TRIM10: variants seen among roughly 807,000 people sequenced by gnomAD.
TRIM10 encodes tripartite motif containing 10.
In TRIM10, 42 loss-of-function variants were observed where a neutral mutation model predicts 40.0. The observed-to-expected ratio is 1.05, with a 90% CI of 0.82 to 1.36. The LOEUF (loss-of-function observed/expected upper bound fraction) is 1.36. TRIM10 is among the 40% of genes most tolerant of loss of function. The pLI is 0.00. For missense variants in TRIM10, 601 were observed against 608.3 expected (o/e 0.99, Z 0.13); for synonymous variants, 260 against 239.5 (o/e 1.09, Z -0.79).
At chr6:30,158,812 G>A (rs1236079326) in intron 2 of TRIM10, among the ~76,000 whole-genome samples, 183 bp from the exon 3 acceptor site, 1 of 152,206 alleles carries the variant, frequency 6.6e-6, no homozygotes, top group African/African-American at 2.4e-5. Flanking sequence ...GCTTCTAAAA[G>A]GGGTAGGGCT....
chr6:30,155,113 A>C (rs1772403585), intron 6 of TRIM10, among the ~76,000 whole-genome samples: 2 of 152,174 alleles, frequency 1.3e-5, no homozygotes, highest in Non-Finnish European at 2.9e-5. Flanking sequence ...TCATAAATTG[A>C]GAAGCTTCCA....
chr6:30,157,110 G>C, intron 4 of TRIM10, 56 bp from the exon 5 acceptor site: 1 of 1,531,652 alleles, frequency 6.5e-7, no homozygotes, highest in African/African-American at 1.4e-5. Context: ...AATGTCTCCA[G>C]ACTCAGCTGG....
At chr6:30,157,972 T>C (rs1772717120) in intron 3 of TRIM10, among the ~76,000 whole-genome samples, 1 of 152,166 alleles carries the variant, frequency 6.6e-6, no homozygotes, top group South Asian at 2.1e-4. Context: ...TTCCAATACT[T>C]TGTGGGGACC....
intron 2 of TRIM10, among the ~76,000 whole-genome samples, chr6:30,158,845 G>A (rs116113631): frequency 6.6e-6 from 1 of 152,146 alleles, no homozygotes; most frequent in Non-Finnish European, 1.5e-5. Context: ...AGGAGGAGGT[G>A]GTGGGGACAC....
At position 30,160,469 on chromosome 6, in the gene TRIM10, G is replaced by A. The variant is rs1161154977; in HGVS notation, c.390C>T (p.His130=). ...CTGCATCCTCCAGGAAGCGCATGGTGTGGGTAGCGTGCTCCCCAGCCTCCC... is the reference window on the plus strand; with the variant it reads ...CTGCATCCTCCAGGAAGCGCATGGTATGGGTAGCGTGCTCCCCAGCCTCCC... ...VCREAGEHAT[H]TMRFLEDAAA... is the part of the protein sequence containing the mutation. The change falls in exon 1 of 7, where the codon CAC becomes CAT. Residue 130 remains histidine (H), a synonymous_variant. Transcript: ENST00000449742. 4 of 1,614,016 alleles carry A rather than the reference G, an allele frequency of 2.5e-6. No homozygotes were observed. The highest frequency in any genetic ancestry group is 2.2e-5 in the East Asian group (1 of 44,886).
At chr6:30,158,045 T>C (rs1265797126) in intron 3 of TRIM10, among the ~76,000 whole-genome samples, 1 of 152,144 alleles carries the variant, frequency 6.6e-6, no homozygotes, top group Non-Finnish European at 1.5e-5. Context: ...TGACTGGTGG[T>C]TGGTGACATT....
intron 4 of TRIM10, 135 bp from the exon 5 acceptor site, chr6:30,157,189 A>T (rs1581571033): frequency 1.8e-6 from 2 of 1,139,206 alleles, no homozygotes; most frequent in Non-Finnish European, 2.5e-6. Context: ...GATGAATCCC[A>T]CTGCCCATTT....
At chr6:30,159,103 T>C in intron 2 of TRIM10, 47 bp downstream of exon 2, 1 of 1,286,186 alleles carries the variant, frequency 7.8e-7, no homozygotes, top group Non-Finnish European at 1.1e-6. Context: ...AGGAAGACAC[T>C]GGACCCTGAG....
chr6:30,153,465 GT>G lies in TRIM10; in HGVS notation c.*503del, dbSNP rs377289058. ...AAGAGCTCTTTCAGATATAGAGCAG[GT>G]TTTTTTTTTCTCTATATTTTCAAGT... On this transcript the variant is annotated 3_prime_UTR_variant, in exon 7 of 7. Transcript: ENST00000449742. The G allele has an allele frequency of 8.5e-3, 4,308 of 507,546 alleles. 33 individuals carry two copies. Among genetic ancestry groups the G allele is most frequent in the Middle Eastern group, 0.02 (40 of 1,988 alleles). The allele number at this position is 507,546 out of a possible 1,614,324, so 31.4% of individuals were successfully genotyped here.
chr6:30,160,557 T>C lies in TRIM10; in HGVS notation c.302A>G (p.Glu101Gly). ...GAAGAAGTAGATCTTCTCTCCGTGCTCTTGGCAGACATCCTCCTCTCCCAA... is the reference window on the plus strand; with the variant it reads ...GAAGAAGTAGATCTTCTCTCCGTGCCCTTGGCAGACATCCTCCTCTCCCAA... The part of the protein sequence containing the change: ...LGLGEEDVCQ[E>G]HGEKIYFFCE... Residue 101 changes from glutamate (E) to glycine (G), a missense_variant, in exon 1 of 7, where the codon GAG becomes GGG. Transcript: ENST00000449742. The C allele has an allele frequency of 6.2e-7, 1 of 1,614,210 alleles. No homozygotes were observed. Among genetic ancestry groups the C allele is most frequent in the Non-Finnish European group, 8.5e-7 (1 of 1,180,036 alleles).
At chr6:30,163,635 C>T (rs1773320249), upstream of TRIM10, 9 of 1,533,414 alleles carry the variant, frequency 5.9e-6, no homozygotes, top group East Asian at 6.8e-5. Flanking sequence ...GGAAAGGGAA[C>T]TCGCGTGGGC....
upstream of TRIM10, chr6:30,163,880 G>T (rs560347970): frequency 6.2e-7 from 1 of 1,613,062 alleles, no homozygotes; most frequent in East Asian, 2.2e-5. Context: ...GGAGGAGCAG[G>T]CAGAGACTCC....
intron 2 of TRIM10, among the ~76,000 whole-genome samples, chr6:30,158,836 G>A (rs1178638690): frequency 6.6e-6 from 1 of 151,972 alleles, no homozygotes. Context: ...AGGAGGTGTA[G>A]GAGGAGGTGG....
chr6:30,153,478 C>A lies in TRIM10; in HGVS notation c.*491G>T, dbSNP rs1387658584. On this transcript the variant is annotated 3_prime_UTR_variant, in exon 7 of 7. Coordinates refer to ENST00000449742, the MANE Select transcript of TRIM10 (RefSeq NM_006778.4). ...GATATAGAGCAGGTTTTTTTTTTCT[C>A]TATATTTTCAAGTCACCAGTGGCCA... is the stretch of plus-strand genomic sequence containing the variant. The A allele has an allele frequency of 5.4e-6, 3 of 553,086 alleles. No individual in the cohort carries two copies. The highest frequency in any genetic ancestry group is 2.9e-5 in the East Asian group (1 of 34,724). The allele number at this position is 553,086 out of a possible 1,614,324, so 34.3% of individuals were successfully genotyped here. A position where few individuals can be genotyped will look rare whatever the true frequency, so the allele number is the denominator to read the frequency against.
Position 30,159,263 on chromosome 6 carries a change from A to G in TRIM10, c.430-18T>C. The stretch of plus-strand genomic sequence containing the variant: ...ATTTGTTCCTGGGGAGAAGGAACAT[A>G]AAATACTCAAGATGGAAAATGATTT... On this transcript the variant is annotated intron_variant, in intron 1 of 6. Transcript: ENST00000449742. 1 of 1,519,874 alleles carries G rather than the reference A, an allele frequency of 6.6e-7. No homozygotes were observed. Among genetic ancestry groups the G allele is most frequent in the Non-Finnish European group, 9.1e-7 (1 of 1,095,472 alleles). The allele number at this position is 1,519,874 out of a possible 1,614,324, so 94.1% of individuals were successfully genotyped here.
chr6:30,163,553 T>TG, upstream of TRIM10: 12 of 1,262,000 alleles, frequency 9.5e-6, no homozygotes, highest in Non-Finnish European at 1.3e-5. Flanking sequence ...TCTCTCTCTC[T>TG]TTCTCTCTCT....
intron 4 of TRIM10, 27 bp downstream of exon 4, chr6:30,157,342 A>T: frequency 1.3e-6 from 2 of 1,582,016 alleles, no homozygotes; most frequent in Non-Finnish European, 1.7e-6. Flanking sequence ...ATATGGAAAA[A>T]GAAAAGAGAG....
upstream of TRIM10, among the ~76,000 whole-genome samples, chr6:30,161,430 T>G (rs1773082707): frequency 6.6e-6 from 1 of 152,192 alleles, no homozygotes; most frequent in African/African-American, 2.4e-5. Flanking sequence ...TCAACTGGCC[T>G]GCTGCAGGCC....
rs767089885 is a variant in TRIM10, at chr6:30,153,975, G to T, written c.1440C>A (p.Ser480Arg). Residue 480 changes from serine to arginine, a missense_variant, in exon 7 of 7, where the codon AGC (serine) becomes AGA (arginine). Physicochemically the swap from Ser to Arg is moderately radical, Grantham distance 110. Coordinates refer to ENST00000449742, the MANE Select transcript of TRIM10 (RefSeq NM_006778.4). ...AGTAGGTAACTGCTCCTTCTCAGGA[G>T]CTCAGGGAGAAACTGGACCCTCGGC... ...LWGRGSSFSL[S>R]S 2.0e-4 allele frequency: 317 copies of T among 1,598,376 alleles called. 2 individuals are homozygous for T. The South Asian group carries it at 2.8e-3, about 14-fold the overall frequency.
Sources: gnomAD v4.1 joint callset for allele counts (sites outside exome capture counted in the v4.1 genomes callset) on GRCh38, gnomAD v4.1.1 for gene constraint, MANE v1.5 for transcripts, NCBI Gene and HGNC (gene_info 2026-07-23, HGNC 2026-07-21) for gene names.